The following PTDSS2 variants were observed in gnomAD, a reference collection of about 807,000 sequenced individuals.
PTDSS2 encodes PSS-2.
Under a neutral mutation model 64.7 loss-of-function variants are expected in PTDSS2, and 41 were observed. That is an observed-to-expected ratio of 0.63 (90% CI 0.49 to 0.82). The LOEUF (loss-of-function observed/expected upper bound fraction) is 0.82. PTDSS2 is among the 40% of genes least tolerant of loss of function. The pLI, the probability that PTDSS2 is intolerant of heterozygous loss-of-function variation, is 0.00. For missense variants in PTDSS2, 485 were observed against 650.0 expected (o/e 0.75, Z 2.76); for synonymous variants, 297 against 277.8 (o/e 1.07, Z -0.69).
rs1021797937 is a variant in PTDSS2, at chr11:462,189, G to A, written c.284+1901G>A. Reference sequence around the variant, plus strand: ...AGCCAGGCCCTGCCCTCCCAGGCCTGGTTCCTATGGGAAGCACTAGGTGAC... The same window carrying A: ...AGCCAGGCCCTGCCCTCCCAGGCCTAGTTCCTATGGGAAGCACTAGGTGAC... On this transcript the variant is annotated intron_variant, in intron 2 of 11. Coordinates refer to ENST00000308020, the MANE Select transcript of PTDSS2 (RefSeq NM_030783.3). The surrounding 1 kb of genome is among the most constrained non-coding windows in gnomAD (Gnocchi z 4.5). 6.6e-6 allele frequency among the ~76,000 whole-genome samples: 1 copy of A among 152,176 alleles called. No homozygotes were observed. Among genetic ancestry groups the A allele is most frequent in the African/African-American group, 2.4e-5 (1 of 41,456 alleles).
chr11:452,738 G>C (rs73385821), intron 1 of PTDSS2, among the ~76,000 whole-genome samples: 5,784 of 152,168 alleles, frequency 0.038, 373 homozygotes, highest in African/African-American at 0.13. Context: ...CACGCTTCTG[G>C]GTGGCAGGTA....
chr11:455,618 T>G (rs1846551402), intron 1 of PTDSS2, among the ~76,000 whole-genome samples: 1 of 152,204 alleles, frequency 6.6e-6, no homozygotes, highest in South Asian at 2.1e-4. Flanking sequence ...TCCCTGCTGT[T>G]TCTCAGAACT....
chr11:478,574 CT>C (rs985117796), intron 3 of PTDSS2, among the ~76,000 whole-genome samples: 8 of 152,102 alleles, frequency 5.3e-5, no homozygotes, highest in African/African-American at 1.9e-4. Context: ...TGGTGAAACC[CT>C]GTCCCGACTG....
At position 487,573 on chromosome 11, in the gene PTDSS2, G is replaced by A. The variant is rs1848450598; in HGVS notation, c.621+103G>A. 8 of 1,127,228 alleles carry A rather than the reference G, an allele frequency of 7.1e-6. No individual in the cohort carries two copies. The Admixed American group carries it at 1.4e-4, about 19-fold the overall frequency. 69.8% of individuals were successfully genotyped at this position (1,127,228 alleles called of 1,614,324 possible). A position where few individuals can be genotyped will look rare whatever the true frequency, so the allele number is the denominator to read the frequency against. Reference sequence around the variant, plus strand: ...GAGTTGAGCTCAGGGTGCTCTGAGTGTGGTGGGAGGGTGTCGCACTGCAGC... The same window carrying A: ...GAGTTGAGCTCAGGGTGCTCTGAGTATGGTGGGAGGGTGTCGCACTGCAGC... On this transcript the variant is annotated intron_variant, in intron 6 of 11. Transcript: ENST00000308020.
At chr11:457,256 C>T (rs540936989) in intron 1 of PTDSS2, among the ~76,000 whole-genome samples, 8 of 152,344 alleles carry the variant, frequency 5.3e-5, no homozygotes, top group East Asian at 1.9e-4. Flanking sequence ...GCAGGTGACA[C>T]GCCCATGCAC....
intron 1 of PTDSS2, among the ~76,000 whole-genome samples, chr11:456,026 C>G (rs544941469): frequency 4.8e-4 from 73 of 152,300 alleles, no homozygotes; most frequent in Middle Eastern, 6.8e-3. Context: ...CCTGCGGGCA[C>G]CACGCACACG....
chr11:450,711 G>T (rs1846276229), intron 1 of PTDSS2, 74 bp downstream of exon 1: 1 of 1,180,234 alleles, frequency 8.5e-7, no homozygotes, highest in Non-Finnish European at 1.1e-6. Flanking sequence ...TGGCCTGGGG[G>T]TCCCCGGCAG....
At chr11:468,814 G>C (rs962581998) in intron 2 of PTDSS2, among the ~76,000 whole-genome samples, 6 of 145,066 alleles carry the variant, frequency 4.1e-5, no homozygotes, top group Middle Eastern at 3.8e-3. Flanking sequence ...GGTAATCGGA[G>C]GAGGGGAGTC....
chr11:484,566 A>C (rs369923381), intron 4 of PTDSS2, among the ~76,000 whole-genome samples: 1 of 147,846 alleles, frequency 6.8e-6, no homozygotes, highest in Non-Finnish European at 1.5e-5. Flanking sequence ...GTGTGTGCTC[A>C]CTGCGCAGGC....
At position 479,830 on chromosome 11, in the gene PTDSS2, T is replaced by G. The variant is rs1847988523; in HGVS notation, c.435+678T>G. 6.6e-6 allele frequency among the ~76,000 whole-genome samples: 1 copy of G among 152,224 alleles called. No homozygotes were observed. Among genetic ancestry groups the G allele is most frequent in the Non-Finnish European group, 1.5e-5 (1 of 68,030 alleles). On this transcript the variant is annotated intron_variant, in intron 4 of 11. Transcript: ENST00000308020. The surrounding 1 kb of genome is among the most constrained non-coding windows in gnomAD (Gnocchi z 4.2). ...ACTTTATTAATACTCTTTGTTCTGT[T>G]TAACTTAGTGTAAACACACATTTTT...
At position 468,078 on chromosome 11, in the gene PTDSS2, G is replaced by A. The variant is rs538535929; in HGVS notation, c.285-5817G>A. 3.7e-4 allele frequency among the ~76,000 whole-genome samples: 57 copies of A among 152,232 alleles called. 1 individual carries two copies. Among genetic ancestry groups the A allele is most frequent in the African/African-American group, 1.3e-3 (56 of 41,544 alleles). On this transcript the variant is annotated intron_variant, in intron 2 of 11. Transcript: ENST00000308020. ...CGGAAGGCAGAGGTTGCAGCGAGCT[G>A]TGATTGAGCCACTGCACTGCAGCCT...
chr11:452,007 C>A (rs1445481867), intron 1 of PTDSS2, among the ~76,000 whole-genome samples: 1 of 152,192 alleles, frequency 6.6e-6, no homozygotes, highest in Non-Finnish European at 1.5e-5. Flanking sequence ...GGTGCCCTGC[C>A]ACACCCCTTC....
At position 479,089 on chromosome 11, in the gene PTDSS2, C is replaced by T. The variant is rs766576769; in HGVS notation, c.372C>T (p.Tyr124=). Residue 124 remains tyrosine, a synonymous_variant, in exon 4 of 12, where the codon TAC becomes TAT. Coordinates refer to ENST00000308020, the MANE Select transcript of PTDSS2 (RefSeq NM_030783.3). The surrounding 1 kb of genome is among the most constrained non-coding windows in gnomAD (Gnocchi z 4.2). ...DGPFSRPHPA[Y]WRFWLCVSVV... ...TTCTGTCGTCTGTCTTTGTAGCTTA[C>T]TGGAGGTTTTGGCTCTGCGTGAGTG... 6.2e-6 allele frequency: 10 copies of T among 1,614,026 alleles called. No homozygotes were observed. The highest frequency in any genetic ancestry group is 8.5e-6 in the Non-Finnish European group (10 of 1,179,856).
chr11:465,077 G>A (rs567540446), intron 2 of PTDSS2, among the ~76,000 whole-genome samples: 3 of 152,304 alleles, frequency 2.0e-5, no homozygotes, highest in Non-Finnish European at 4.4e-5. Flanking sequence ...CAACACTGGC[G>A]CTAGAGCAAC....
chr11:464,014 C>G (rs751701753), intron 2 of PTDSS2: 2 of 151,200 alleles, frequency 1.3e-5, no homozygotes, highest in Non-Finnish European at 2.9e-5. Context: ...GAGACAGGGT[C>G]GTGCTCTGTT....
intron 2 of PTDSS2, among the ~76,000 whole-genome samples, chr11:464,134 C>T (rs1377181714): frequency 2.0e-5 from 3 of 151,962 alleles, no homozygotes; most frequent in East Asian, 1.9e-4. Context: ...AGCCGTGCAC[C>T]GCCACGCCCC....
rs1846877579 is a variant in PTDSS2 at position 461,432 on chromosome 11, C to A, written c.284+1144C>A. Among the ~76,000 whole-genome samples, 1 of 152,060 alleles carries A rather than the reference C, an allele frequency of 6.6e-6. No individual in the cohort carries two copies. The highest frequency in any genetic ancestry group is 1.9e-4 in the East Asian group (1 of 5,174). On this transcript the variant is annotated intron_variant, in intron 2 of 11. Coordinates refer to ENST00000308020, the MANE Select transcript of PTDSS2 (RefSeq NM_030783.3). The surrounding 1 kb of genome is among the most constrained non-coding windows in gnomAD (Gnocchi z 4.2). ...GTCCATCTCCCTGGGGGCAGTGGGG[C>A]ATTTCTGGTTAGAAATTACTGTTGA...
At chr11:452,493 T>C (rs1846381748) in intron 1 of PTDSS2, among the ~76,000 whole-genome samples, 1 of 151,948 alleles carries the variant, frequency 6.6e-6, no homozygotes, top group African/African-American at 2.4e-5. Flanking sequence ...CCACAAGGGG[T>C]GTTTGGGACA....
intron 3 of PTDSS2, 26 bp downstream of exon 3, chr11:474,003 TGCCCCTGTG>T: frequency 1.3e-6 from 2 of 1,572,396 alleles, no homozygotes; most frequent in Non-Finnish European, 1.8e-6. Context: ...CTTTTCCGTG[TGCCCCTGTG>T]GCATTTCTGT....
Sources: allele counts gnomAD v4.1 joint callset (sites outside exome capture counted in the v4.1 genomes callset), GRCh38; gene constraint gnomAD v4.1.1; non-coding constraint Gnocchi (gnomAD v3.1); transcripts MANE v1.5; gene names NCBI Gene and HGNC (gene_info 2026-07-23, HGNC 2026-07-21).